The following CD96 variants were observed in gnomAD, a reference collection of about 807,000 sequenced individuals.
CD96 encodes T-cell surface protein tactile.
CD96 carries 70 observed loss-of-function variants against 71.3 expected under a neutral mutation model. That is an observed-to-expected ratio of 0.98 (90% CI 0.81 to 1.20). The LOEUF (loss-of-function observed/expected upper bound fraction) is 1.20. Ranked by LOEUF, CD96 falls within the 50% of genes most tolerant of loss-of-function variation. CD96 has a pLI of 0.00. For missense variants in CD96, 742 were observed against 677.5 expected (o/e 1.10, Z -1.06); for synonymous variants, 248 against 233.0 (o/e 1.06, Z -0.59).
At chr3:111,661,066 G>A (rs1940342102) in intron 14 of CD96, among the ~76,000 whole-genome samples, 1 of 152,170 alleles carries the variant, frequency 6.6e-6, no homozygotes, top group South Asian at 2.1e-4. Flanking sequence ...AATGGCTGGG[G>A]AAGCCTCAGG....
At chr3:111,593,924 A>G in intron 5 of CD96, 5 of 1,613,766 alleles carry the variant, frequency 3.1e-6, no homozygotes, top group Non-Finnish European at 4.2e-6. Flanking sequence ...AGTGGTGCCC[A>G]CGTTGACCCC....
intron 5 of CD96, among the ~76,000 whole-genome samples, chr3:111,587,219 G>T (rs2107607771): frequency 6.6e-6 from 1 of 152,340 alleles, no homozygotes; most frequent in South Asian, 2.1e-4. Context: ...CATAGTCTTA[G>T]GCAGCTCCAC....
In CD96 at chr3:111,611,302, G is replaced by T. The variant is rs546833785; in HGVS notation, c.1180+4510G>T. 3.3e-5 allele frequency among the ~76,000 whole-genome samples: 5 copies of T among 152,170 alleles called. No individual in the cohort carries two copies. In the East Asian group the frequency reaches 9.7e-4, roughly 29 times the overall value. The stretch of plus-strand genomic sequence containing the variant: ...GGATGATCAGACATTGAGGGGCACA[G>T]GGTAAAGGAAGCAACTGACCAGGGG... On this transcript the variant is annotated intron_variant, in intron 8 of 13. Coordinates refer to ENST00000352690, the MANE Select transcript of CD96 (RefSeq NM_005816.5).
At chr3:111,586,500 G>A (rs1361676559) in intron 5 of CD96, among the ~76,000 whole-genome samples, 1 of 152,156 alleles carries the variant, frequency 6.6e-6, no homozygotes, top group Non-Finnish European at 1.5e-5. Context: ...GTAACTGCTT[G>A]TATTAGTCCA....
chr3:111,644,693 A>G (rs1455233623), intron 12 of CD96, among the ~76,000 whole-genome samples: 1 of 152,214 alleles, frequency 6.6e-6, no homozygotes, highest in African/African-American at 2.4e-5. Flanking sequence ...AACCCTATCA[A>G]AAAGTGGGCT....
At chr3:111,644,072 C>T (rs563297573) in intron 12 of CD96, among the ~76,000 whole-genome samples, 1 of 152,270 alleles carries the variant, frequency 6.6e-6, no homozygotes, top group South Asian at 2.1e-4. Flanking sequence ...CATCACATAC[C>T]TGATTTCCAA....
At chr3:111,590,178 C>T (rs1936912173) in intron 5 of CD96, among the ~76,000 whole-genome samples, 1 of 152,180 alleles carries the variant, frequency 6.6e-6, no homozygotes, top group African/African-American at 2.4e-5. Flanking sequence ...TCTTCCAGCA[C>T]TTATTAACTC....
intron 12 of CD96, among the ~76,000 whole-genome samples, chr3:111,645,012 T>C (rs1426895045): frequency 1.3e-5 from 2 of 152,190 alleles, no homozygotes; most frequent in African/African-American, 4.8e-5. Context: ...CACTACTGGA[T>C]ATCTGCCCAG....
intron 3 of CD96, among the ~76,000 whole-genome samples, chr3:111,571,579 G>T (rs115528921): frequency 2.6e-4 from 39 of 152,182 alleles, no homozygotes; most frequent in Non-Finnish European, 5.7e-4. Flanking sequence ...CACAGTGAGA[G>T]GGTGAATCTT....
intron 3 of CD96, among the ~76,000 whole-genome samples, chr3:111,578,641 A>G (rs935293021): frequency 1.6e-4 from 25 of 152,244 alleles, no homozygotes; most frequent in Admixed American, 1.6e-3. Context: ...TGAAGATTTT[A>G]TGAAATCTTC....
At chr3:111,605,127 T>C (rs1236167623) in intron 7 of CD96, among the ~76,000 whole-genome samples, 9 of 152,362 alleles carry the variant, frequency 5.9e-5, no homozygotes, top group Non-Finnish European at 1.3e-4. Flanking sequence ...TTGCATGCAT[T>C]GATTCATCTA....
At chr3:111,551,386 T>C (rs1186973530) in intron 2 of CD96, among the ~76,000 whole-genome samples, 2 of 152,128 alleles carry the variant, frequency 1.3e-5, no homozygotes, top group Non-Finnish European at 2.9e-5. Context: ...TGCAAAATAT[T>C]GCAGTCTACA....
rs76871183 is a variant in CD96, at chr3:111,581,648, C to T, written c.751+2414C>T. On this transcript the variant is annotated intron_variant, in intron 4 of 13. Transcript: ENST00000352690. Reference sequence around the variant, plus strand: ...CACCTGCCCATCACAGGGTTCTGTTCCACTCCTAAATTCCAAATCTGATTG... The same window carrying T: ...CACCTGCCCATCACAGGGTTCTGTTTCACTCCTAAATTCCAAATCTGATTG... Among the ~76,000 whole-genome samples, 1,365 of 152,286 alleles carry T rather than the reference C, an allele frequency of 9.0e-3. 8 individuals carry two copies. Among genetic ancestry groups the T allele is most frequent in the Non-Finnish European group, 0.016 (1,086 of 68,022 alleles).
At chr3:111,620,342 C>CA (rs201733984) in intron 8 of CD96, among the ~76,000 whole-genome samples, 1,628 of 151,488 alleles carry the variant, frequency 0.011, 36 homozygotes, top group African/African-American at 0.036. Context: ...GTTAAACAAA[C>CA]AAAAAAAATG....
In CD96 at chr3:111,649,908, T is replaced by G. The variant is rs1940002558; in HGVS notation, c.*102T>G. On this transcript the variant is annotated 3_prime_UTR_variant, in exon 14 of 14. Coordinates refer to ENST00000352690, the MANE Select transcript of CD96 (RefSeq NM_005816.5). ...AGTCGCTCTTCAGCCATGCCTTTGC[T>G]GCAGCTGAAATGGAAGTCAGAAGTG... 1 of 819,436 alleles carries G rather than the reference T, an allele frequency of 1.2e-6. No homozygotes were observed. The highest frequency in any genetic ancestry group is 2.5e-5 in the East Asian group (1 of 39,908). The allele number at this position is 819,436 out of a possible 1,614,324, so 50.8% of individuals were successfully genotyped here.
At chr3:111,547,083 C>T (rs944846100) in intron 2 of CD96, among the ~76,000 whole-genome samples, 9 of 152,126 alleles carry the variant, frequency 5.9e-5, no homozygotes, top group Non-Finnish European at 8.8e-5. Flanking sequence ...ATTTACCATA[C>T]GTTTCATCAT....
intron 5 of CD96, among the ~76,000 whole-genome samples, chr3:111,591,371 T>A (rs1353146565): frequency 0.033 from 2,889 of 88,154 alleles, 151 homozygotes; most frequent in African/African-American, 0.091. Context: ...GACTCCATCT[T>A]AAAAAAAAAA....
intron 10 of CD96, among the ~76,000 whole-genome samples, chr3:111,632,039 A>G (rs1463625688): frequency 6.6e-6 from 1 of 152,186 alleles, no homozygotes; most frequent in Non-Finnish European, 1.5e-5. Flanking sequence ...GCTAGGCTAT[A>G]CCATTCAGGA....
At chr3:111,660,609 C>A (rs997813253) in intron 14 of CD96, among the ~76,000 whole-genome samples, 1 of 152,224 alleles carries the variant, frequency 6.6e-6, no homozygotes, top group African/African-American at 2.4e-5. Context: ...CACTACCCAA[C>A]TTCAAATTAT....
Sources: gnomAD v4.1 joint callset for allele counts (sites outside exome capture counted in the v4.1 genomes callset) on GRCh38, gnomAD v4.1.1 for gene constraint, MANE v1.5 for transcripts, NCBI Gene and HGNC (gene_info 2026-07-23, HGNC 2026-07-21) for gene names.